Variants in C12orf42 observed in about 807,000 individuals in gnomAD.
The protein encoded by C12orf42 is uncharacterized protein C12orf42.
A neutral mutation model predicts 21.6 loss-of-function variants in C12orf42; 25 were observed. The observed-to-expected ratio is 1.16, with a 90% CI of 0.84 to 1.62. The LOEUF (loss-of-function observed/expected upper bound fraction) is 1.62. Among genes scored for constraint, C12orf42 ranks in the 40% most tolerant of loss-of-function variants. C12orf42 has a pLI of 0.00. For synonymous variants in C12orf42, 174 were observed against 175.0 expected (o/e 0.99, Z 0.05); for missense variants, 483 against 459.3 (o/e 1.05, Z -0.47).
downstream of C12orf42, among the ~76,000 whole-genome samples, chr12:103,263,571 G>A (rs2035018785): frequency 6.6e-6 from 1 of 152,048 alleles, no homozygotes. Context: ...CTGGTCACCG[G>A]TGGGATAGAG....
intron 4 of C12orf42, among the ~76,000 whole-genome samples, chr12:103,336,438 T>C (rs1566102064): frequency 6.6e-6 from 1 of 152,214 alleles, no homozygotes; most frequent in Non-Finnish European, 1.5e-5. Flanking sequence ...ACTAGCTCTC[T>C]CTTCATCCCT....
chr12:103,257,970 A>C (rs2034696447), intron 10 of C12orf42, among the ~76,000 whole-genome samples: 1 of 152,108 alleles, frequency 6.6e-6, no homozygotes, highest in African/African-American at 2.4e-5. Context: ...AAGAAAAGTC[A>C]CGTGACTTAT....
At chr12:103,483,587 T>A (rs565232018) in intron 1 of C12orf42, among the ~76,000 whole-genome samples, 2 of 152,260 alleles carry the variant, frequency 1.3e-5, no homozygotes, top group Admixed American at 1.3e-4. Flanking sequence ...CCTCCCACAG[T>A]AAAAGTTGAA....
chr12:103,436,718 T>TGCACCCAATACAGGA (rs1257568639), intron 2 of C12orf42, among the ~76,000 whole-genome samples: 1 of 152,136 alleles, frequency 6.6e-6, no homozygotes, highest in Admixed American at 6.5e-5. Flanking sequence ...TAAATATATA[T>TGCACCCAATACAGGA]GCACCCAATA....
At chr12:103,098,424 C>T in the C12orf42 span, among the ~76,000 whole-genome samples, 68 of 152,144 alleles carry the variant, frequency 4.5e-4, no homozygotes, top group African/African-American at 1.6e-3. Flanking sequence ...TAGGTCAGAA[C>T]CAACTTACTA....
intron 3 of C12orf42, among the ~76,000 whole-genome samples, chr12:103,372,918 C>G (rs2045387311): frequency 6.6e-6 from 1 of 152,108 alleles, no homozygotes; most frequent in African/African-American, 2.4e-5. Context: ...GTATTATATT[C>G]AAACTGCACC....
the C12orf42 span, among the ~76,000 whole-genome samples, chr12:103,215,344 G>T: frequency 6.6e-6 from 1 of 151,444 alleles, no homozygotes; most frequent in South Asian, 2.1e-4. Flanking sequence ...ACTAATACAA[G>T]TATTAATAAA....
chr12:103,300,850 A>G (rs1012981096), downstream of C12orf42, among the ~76,000 whole-genome samples: 2 of 152,204 alleles, frequency 1.3e-5, no homozygotes, highest in African/African-American at 4.8e-5. Flanking sequence ...ATCAACATTG[A>G]TAACCTGTAC....
At chr12:103,066,020 G>A in the C12orf42 span, among the ~76,000 whole-genome samples, 1 of 152,154 alleles carries the variant, frequency 6.6e-6, no homozygotes, top group Non-Finnish European at 1.5e-5. Context: ...TCGCAGATAG[G>A]GATGCTGTTT....
chr12:103,339,940 C>T (rs780812688), intron 4 of C12orf42, among the ~76,000 whole-genome samples: 10 of 152,178 alleles, frequency 6.6e-5, no homozygotes, highest in Non-Finnish European at 8.8e-5. Flanking sequence ...GAATAAAAGA[C>T]TTCTTAACAG....
the C12orf42 span, among the ~76,000 whole-genome samples, chr12:103,216,897 C>T: frequency 1.3e-5 from 2 of 152,058 alleles, no homozygotes; most frequent in African/African-American, 4.8e-5. Flanking sequence ...GGCTGGAGTG[C>T]AGTTGTGAGA....
At chr12:103,207,946 C>T in the C12orf42 span, among the ~76,000 whole-genome samples, 1 of 152,182 alleles carries the variant, frequency 6.6e-6, no homozygotes, top group Non-Finnish European at 1.5e-5. Flanking sequence ...TGACAGCTGG[C>T]AAAAACTTGA....
intron 2 of C12orf42, among the ~76,000 whole-genome samples, chr12:103,430,486 G>A (rs1461428891): frequency 2.0e-5 from 3 of 152,206 alleles, no homozygotes; most frequent in Non-Finnish European, 2.9e-5. Context: ...AGAATGTAGA[G>A]AAAAAGGAAC....
intron 1 of C12orf42, among the ~76,000 whole-genome samples, chr12:103,494,244 A>G (rs1264770557): frequency 2.0e-5 from 3 of 152,196 alleles, no homozygotes; most frequent in Non-Finnish European, 4.4e-5. Flanking sequence ...GCCCATCAGA[A>G]GGGAGTTTAT....
At chr12:103,477,697 C>A (rs902324429) in intron 2 of C12orf42, among the ~76,000 whole-genome samples, 5 of 152,096 alleles carry the variant, frequency 3.3e-5, no homozygotes, top group South Asian at 4.1e-4. Flanking sequence ...GGAATTCAGA[C>A]AGCCTTCAGA....
At chr12:103,222,590 G>A in the C12orf42 span, among the ~76,000 whole-genome samples, 1 of 152,312 alleles carries the variant, frequency 6.6e-6, no homozygotes, top group African/African-American at 2.4e-5. Context: ...TGTGCAGATA[G>A]GAGTGGACAA....
the C12orf42 span, among the ~76,000 whole-genome samples, chr12:103,080,266 G>A: frequency 1.3e-5 from 2 of 152,154 alleles, no homozygotes; most frequent in African/African-American, 2.4e-5. Flanking sequence ...ATCCTCACCT[G>A]ATGGTATTTG....
chr12:103,233,231 T>G (rs574143082), downstream of C12orf42, among the ~76,000 whole-genome samples: 1 of 152,358 alleles, frequency 6.6e-6, no homozygotes, highest in South Asian at 2.1e-4. Context: ...TGTAGATTTG[T>G]AGTAAGTCTT....
the C12orf42 span, among the ~76,000 whole-genome samples, chr12:103,562,156 T>C: frequency 4.6e-5 from 7 of 152,194 alleles, no homozygotes; most frequent in Admixed American, 4.6e-4. Flanking sequence ...AATTTCCACC[T>C]TTTTACAGTT....
Sources: allele counts gnomAD v4.1 joint callset (sites outside exome capture counted in the v4.1 genomes callset), GRCh38; gene constraint gnomAD v4.1.1; transcripts MANE v1.5; gene names NCBI Gene and HGNC (gene_info 2026-07-23, HGNC 2026-07-21).